CD300E: variants seen among roughly 807,000 people sequenced by gnomAD.
The protein encoded by CD300E is CMRF35-like molecule 2.
CD300E carries 14 observed loss-of-function variants against 20.9 expected under a neutral mutation model. The observed-to-expected ratio is 0.67, with a 90% CI of 0.44 to 1.05. The LOEUF (loss-of-function observed/expected upper bound fraction) is 1.05. Ranked by LOEUF, CD300E falls within the 50% of genes least tolerant of loss-of-function variation. The pLI is 0.00. For synonymous variants in CD300E, 102 were observed against 103.7 expected (o/e 0.98, Z 0.10); for missense variants, 237 against 253.9 (o/e 0.93, Z 0.45).
Position 74,611,997 on chromosome 17 carries a change from C to A in CD300E, c.*656G>T. 6.6e-6 allele frequency: 1 copy of A among 152,514 alleles called. No individual in the cohort carries two copies. Among genetic ancestry groups the A allele is most frequent in the Non-Finnish European group, 1.5e-5 (1 of 68,192 alleles). 9.4% of individuals were successfully genotyped at this position (152,514 alleles called of 1,614,324 possible). A position where few individuals can be genotyped will look rare whatever the true frequency, so the allele number is the denominator to read the frequency against. ...GAGCAAGCTCTGCCGGGACCAAGCT[C>A]CCTTGGGGTTGTCCCAGAGAAGAGA... On this transcript the variant is annotated 3_prime_UTR_variant, in exon 4 of 4. Transcript: ENST00000392619.
Position 74,617,325 on chromosome 17 carries a change from T to C in CD300E, c.181A>G (p.Ile61Val), listed in dbSNP as rs1396988580. The C allele has an allele frequency of 6.2e-7, 1 of 1,614,184 alleles. No homozygotes were observed. The highest frequency in any genetic ancestry group is 1.7e-5 in the Admixed American group (1 of 60,014). ...RGQYDTSCES[I>V]VETKGEEKVE... ...TTCTCTTCTCCCTTGGTCTCCACAA[T>C]GCTCTCACATGACGTGTCGTACTGT... Residue 61 changes from isoleucine to valine, a missense_variant, in exon 2 of 4, where the codon ATT becomes GTT. Physicochemically the swap from Ile to Val is conservative, Grantham distance 29. Transcript: ENST00000392619.
chr17:74,619,625 T>TACACACAC (rs992348148), intron 1 of CD300E, among the ~76,000 whole-genome samples: 1 of 149,698 alleles, frequency 6.7e-6, no homozygotes, highest in East Asian at 2.0e-4. Context: ...CACACACACA[T>TACACACAC]ACACACACAC....
At chr17:74,622,251 T>A (rs563632508) in intron 1 of CD300E, among the ~76,000 whole-genome samples, 2 of 149,728 alleles carry the variant, frequency 1.3e-5, no homozygotes, top group East Asian at 4.0e-4. Flanking sequence ...GGATGGGGAA[T>A]GAGATAGGGG....
At position 74,610,449 on chromosome 17, in the gene CD300E, C is replaced by T. The variant is rs1202694737; in HGVS notation, c.*2204G>A. ...TGCTAGACCTCTCTGCCTGATGATT[C>T]CAAACACACAGAAAACTAAGCTCTG... On this transcript the variant is annotated 3_prime_UTR_variant, in exon 4 of 4. Transcript: ENST00000392619. 1 of 152,266 alleles carries T rather than the reference C, an allele frequency of 6.6e-6. No individual in the cohort carries two copies. Among genetic ancestry groups the T allele is most frequent in the Non-Finnish European group, 1.5e-5 (1 of 68,098 alleles). The allele number at this position is 152,266 out of a possible 1,614,324, so 9.4% of individuals were successfully genotyped here.
At chr17:74,623,535 T>G in intron 1 of CD300E, 47 bp downstream of exon 1, 3 of 1,605,972 alleles carry the variant, frequency 1.9e-6, no homozygotes, top group Non-Finnish European at 2.6e-6. Context: ...CTACCTACTG[T>G]CCTGCCCCCT....
chr17:74,613,860 C>T, intron 3 of CD300E, 65 bp downstream of exon 3: 1 of 1,051,050 alleles, frequency 9.5e-7, no homozygotes, highest in Non-Finnish European at 1.4e-6. Flanking sequence ...CGGTGCGCCA[C>T]CCCCACCCCC....
At chr17:74,616,383 A>G (rs1356469252) in intron 2 of CD300E, among the ~76,000 whole-genome samples, 3 of 152,198 alleles carry the variant, frequency 2.0e-5, no homozygotes, top group Non-Finnish European at 4.4e-5. Flanking sequence ...AGTAGAAAAT[A>G]AAGGACACCA....
rs542516250 is a variant in CD300E, at chr17:74,610,185, C to T, written c.*2468G>A. 1 of 152,570 alleles carries T rather than the reference C, an allele frequency of 6.6e-6. No homozygotes were observed. The highest frequency in any genetic ancestry group is 2.1e-4 in the South Asian group (1 of 4,826). The allele number at this position is 152,570 out of a possible 1,614,324, so 9.5% of individuals were successfully genotyped here. ...CCTCCACCTCTCTAGCTCTGCTCTC[C>T]TCCTTGAAACATTCATGGCTCTTGA... On this transcript the variant is annotated 3_prime_UTR_variant, in exon 4 of 4. Transcript: ENST00000392619.
In CD300E at chr17:74,617,476, C is replaced by A. The variant is rs748527919; in HGVS notation, c.41-11G>T. The A allele has an allele frequency of 2.3e-5, 37 of 1,603,834 alleles. No individual in the cohort carries two copies. Among genetic ancestry groups the A allele is most frequent in the Non-Finnish European group, 3.1e-5 (37 of 1,175,840 alleles). Reference sequence around the variant, plus strand: ...TCAGAGACAAACAGCCTGGAAAACACAAGCCCGAGTCCCAAGTCTCCATCC... The same window carrying A: ...TCAGAGACAAACAGCCTGGAAAACAAAAGCCCGAGTCCCAAGTCTCCATCC... On this transcript the variant is annotated splice_polypyrimidine_tract_variant and intron_variant, in intron 1 of 3. Transcript: ENST00000392619.
At chr17:74,617,995 C>T (rs912914271) in intron 1 of CD300E, among the ~76,000 whole-genome samples, 6 of 152,224 alleles carry the variant, frequency 3.9e-5, no homozygotes, top group African/African-American at 7.2e-5. Flanking sequence ...AAAGGAAGCC[C>T]TGATAAGCTT....
At position 74,613,779 on chromosome 17, in the gene CD300E, G is replaced by A. The variant is rs912658356; in HGVS notation, c.497+146C>T. The stretch of plus-strand genomic sequence containing the variant: ...GATATTTCCCACTCAGCATCCACAT[G>A]CAGCCTCAGAGAGTATGAGAATCAG... On this transcript the variant is annotated intron_variant, in intron 3 of 3. Coordinates refer to ENST00000392619, the MANE Select transcript of CD300E (RefSeq NM_181449.3). The A allele has an allele frequency of 8.6e-6, 5 of 583,858 alleles. No individual in the cohort carries two copies. In the Admixed American group the frequency reaches 1.1e-4, roughly 13 times the overall value. 36.2% of individuals were successfully genotyped at this position (583,858 alleles called of 1,614,324 possible).
In CD300E at chr17:74,613,913, C is replaced by A; in HGVS notation, c.497+12G>T. The A allele has an allele frequency of 6.2e-7, 1 of 1,603,712 alleles. No homozygotes were observed. Among genetic ancestry groups the A allele is most frequent in the Non-Finnish European group, 8.5e-7 (1 of 1,171,872 alleles). ...TTGCTCCCTCCATGGCCTCCAGGCC[C>A]TGCGTGCTTACCCTGAATTTTGGGT... On this transcript the variant is annotated intron_variant, in intron 3 of 3. Transcript: ENST00000392619.
chr17:74,620,775 G>T (rs2031003830), intron 1 of CD300E, among the ~76,000 whole-genome samples: 1 of 152,206 alleles, frequency 6.6e-6, no homozygotes, highest in Non-Finnish European at 1.5e-5. Flanking sequence ...ACTTGCAGAG[G>T]GGAGAGCCTG....
At chr17:74,615,170 G>T (rs984743960) in intron 2 of CD300E, among the ~76,000 whole-genome samples, 1 of 152,272 alleles carries the variant, frequency 6.6e-6, no homozygotes, top group African/African-American at 2.4e-5. Flanking sequence ...CCCCAGGCCA[G>T]CAGTGAGGAA....
chr17:74,621,049 A>T (rs1311189990), intron 1 of CD300E, among the ~76,000 whole-genome samples: 2 of 152,184 alleles, frequency 1.3e-5, no homozygotes, highest in Non-Finnish European at 2.9e-5. Flanking sequence ...TCTCGAAAAA[A>T]AAAGAAGAAG....
chr17:74,616,308 G>A (rs1288953188), intron 2 of CD300E, among the ~76,000 whole-genome samples: 1 of 152,164 alleles, frequency 6.6e-6, no homozygotes, highest in African/African-American at 2.4e-5. Flanking sequence ...TTAAGACTCT[G>A]GGCAGCGACC....
chr17:74,610,882 C>T lies in CD300E; in HGVS notation c.*1771G>A, dbSNP rs368988285. Reference sequence around the variant, plus strand: ...ATGAAGATTATTTCCCGCCTCTCTGCTTTCACTTATGCTGTTTCTCTGTCC... The same window carrying T: ...ATGAAGATTATTTCCCGCCTCTCTGTTTTCACTTATGCTGTTTCTCTGTCC... On this transcript the variant is annotated 3_prime_UTR_variant, in exon 4 of 4. Coordinates refer to ENST00000392619, the MANE Select transcript of CD300E (RefSeq NM_181449.3). 10 of 152,572 alleles carry T rather than the reference C, an allele frequency of 6.6e-5. No individual in the cohort carries two copies. Among genetic ancestry groups the T allele is most frequent in the African/African-American group, 2.4e-4 (10 of 41,582 alleles). The allele number at this position is 152,572 out of a possible 1,614,324, so 9.5% of individuals were successfully genotyped here. A position where few individuals can be genotyped will look rare whatever the true frequency, so the allele number is the denominator to read the frequency against.
intron 2 of CD300E, among the ~76,000 whole-genome samples, chr17:74,614,697 G>C (rs534504907): frequency 6.4e-4 from 97 of 152,238 alleles, no homozygotes; most frequent in African/African-American, 2.2e-3. Flanking sequence ...GATCAGGCTG[G>C]TCTCGAACTC....
rs77437205 is a variant in CD300E at position 74,610,204 on chromosome 17, C to T, written c.*2449G>A. On this transcript the variant is annotated 3_prime_UTR_variant, in exon 4 of 4. Coordinates refer to ENST00000392619, the MANE Select transcript of CD300E (RefSeq NM_181449.3). ...GCTCTCCTCCTTGAAACATTCATGG[C>T]TCTTGACTTCTCATCTTCCACCTGT... The T allele has an allele frequency of 2.4e-3, 370 of 152,546 alleles. 8 individuals are homozygous for T. In the East Asian group the frequency reaches 0.045, roughly 19 times the overall value. 9.4% of individuals were successfully genotyped at this position (152,546 alleles called of 1,614,324 possible).
Sources: gnomAD v4.1 joint callset for allele counts (sites outside exome capture counted in the v4.1 genomes callset) on GRCh38, gnomAD v4.1.1 for gene constraint, MANE v1.5 for transcripts, NCBI Gene and HGNC (gene_info 2026-07-23, HGNC 2026-07-21) for gene names.